Variants in GABPB2 observed in about 807,000 individuals in gnomAD.
The protein encoded by GABPB2 is GA-binding protein subunit beta-2.
In GABPB2, 23 loss-of-function variants were observed where a neutral mutation model predicts 39.1. The observed-to-expected ratio is 0.59, with a 90% CI of 0.42 to 0.83. The LOEUF (loss-of-function observed/expected upper bound fraction) is 0.83, where lower values mean the gene tolerates loss of function less well. Among genes scored for constraint, GABPB2 ranks in the 40% least tolerant of loss-of-function variants. The pLI, the probability that GABPB2 is intolerant of heterozygous loss-of-function variation, is 0.00. For synonymous variants in GABPB2, 184 were observed against 199.3 expected (o/e 0.92, Z 0.65); for missense variants, 467 against 541.1 (o/e 0.86, Z 1.36).
At position 151,103,627 on chromosome 1, in the gene GABPB2, G is replaced by A; in HGVS notation, c.688G>A (p.Ala230Thr). The change falls in exon 6 of 9, where the codon GCT becomes ACT. Residue 230 changes from alanine (A) to threonine (T), a missense_variant. Transcript: ENST00000368918. ...CACCTCAGTGCTGGCTACCCTTGCA[G>A]CTCTTGCTGAGGCATCAGTCCCCCT... is the stretch of plus-strand genomic sequence containing the variant. ...STTSVLATLA[A>T]LAEASVPLSN... 1.2e-6 allele frequency: 2 copies of A among 1,614,174 alleles called. No homozygotes were observed. Among genetic ancestry groups the A allele is most frequent in the South Asian group, 2.2e-5 (2 of 91,086 alleles).
At chr1:151,090,278 C>A in intron 2 of GABPB2, 128 bp from the exon 3 acceptor site, 1 of 861,298 alleles carries the variant, frequency 1.2e-6, no homozygotes, top group Non-Finnish European at 1.7e-6. Context: ...AGCATTTTTT[C>A]AGTTTTATCT....
chr1:151,110,916 G>T (rs1680372805), intron 7 of GABPB2, among the ~76,000 whole-genome samples: 1 of 152,122 alleles, frequency 6.6e-6, no homozygotes, highest in African/African-American at 2.4e-5. Context: ...AGTTTATAAA[G>T]AAATACAAAC....
chr1:151,075,542 C>A (rs1001188504), intron 1 of GABPB2, among the ~76,000 whole-genome samples: 2 of 126,984 alleles, frequency 1.6e-5, no homozygotes, highest in African/African-American at 3.0e-5. Flanking sequence ...CTAGCCTGGG[C>A]GACAGAGCGA....
rs186863630 is a variant in GABPB2, at chr1:151,078,704, A to G, written c.-1+7770A>G. Among the ~76,000 whole-genome samples, 533 of 152,144 alleles carry G rather than the reference A, an allele frequency of 3.5e-3. 7 individuals carry two copies. Among genetic ancestry groups the G allele is most frequent in the African/African-American group, 0.012 (500 of 41,522 alleles). On this transcript the variant is annotated intron_variant, in intron 1 of 8. Transcript: ENST00000368918. Reference sequence around the variant, plus strand: ...ACCCAGGCTGGAGGGCAGTGGCACAATCTTGGCTCACTGCAACCTCTGCCT... The same window carrying G: ...ACCCAGGCTGGAGGGCAGTGGCACAGTCTTGGCTCACTGCAACCTCTGCCT...
intron 5 of GABPB2, among the ~76,000 whole-genome samples, chr1:151,099,773 T>G (rs1679376331): frequency 6.6e-6 from 1 of 152,244 alleles, no homozygotes; most frequent in African/African-American, 2.4e-5. Context: ...GTTGACTAGC[T>G]GCTTAACCCT....
chr1:151,105,036 A>G (rs1246039441), intron 6 of GABPB2, among the ~76,000 whole-genome samples: 1 of 151,694 alleles, frequency 6.6e-6, no homozygotes, highest in Non-Finnish European at 1.5e-5. Context: ...CCTCCCAAGT[A>G]GCTGGGATTA....
At chr1:151,114,437 G>A (rs1270574988) in intron 7 of GABPB2, among the ~76,000 whole-genome samples, 1 of 152,104 alleles carries the variant, frequency 6.6e-6, no homozygotes, top group Admixed American at 6.6e-5. Flanking sequence ...ATAGGGCCGG[G>A]CTCAGTGGCT....
At chr1:151,102,750 T>G (rs1254274814) in intron 5 of GABPB2, among the ~76,000 whole-genome samples, 1 of 152,090 alleles carries the variant, frequency 6.6e-6, no homozygotes, top group African/African-American at 2.4e-5. Flanking sequence ...CCATGAAACT[T>G]TAGGTTTTTA....
At chr1:151,082,965 G>A (rs1677851443) in intron 1 of GABPB2, among the ~76,000 whole-genome samples, 1 of 146,230 alleles carries the variant, frequency 6.8e-6, no homozygotes, top group Admixed American at 6.9e-5. Flanking sequence ...AACAGAAAAA[G>A]ACCCTGTCTC....
chr1:151,102,164 T>C (rs1034869827), intron 5 of GABPB2, among the ~76,000 whole-genome samples: 1 of 151,850 alleles, frequency 6.6e-6, no homozygotes, highest in African/African-American at 2.4e-5. Context: ...CTACTAAAAG[T>C]ATAAAAATTA....
In GABPB2 at chr1:151,085,875, C is replaced by G. The variant is rs189429716; in HGVS notation, c.1-2315C>G. Among the ~76,000 whole-genome samples, 161 of 152,066 alleles carry G rather than the reference C, an allele frequency of 1.1e-3. 3 individuals carry two copies. Among genetic ancestry groups the G allele is most frequent in the Admixed American group, 9.2e-3 (140 of 15,246 alleles). ...GGCACAGTGGCTCATGCCTGTAATC[C>G]CAACACTTTGGGATTCTATTGCTAT... On this transcript the variant is annotated intron_variant, in intron 1 of 8. Coordinates refer to ENST00000368918, the MANE Select transcript of GABPB2 (RefSeq NM_144618.3).
intron 6 of GABPB2, 137 bp from the exon 7 acceptor site, chr1:151,106,900 T>C: frequency 1.9e-6 from 1 of 538,712 alleles, no homozygotes; most frequent in South Asian, 3.1e-5. Context: ...ACAAAACCTT[T>C]TGCGAACTGT....
At chr1:151,074,308 C>A (rs1310509126) in intron 1 of GABPB2, among the ~76,000 whole-genome samples, 2 of 133,806 alleles carry the variant, frequency 1.5e-5, no homozygotes, top group Non-Finnish European at 3.2e-5. Flanking sequence ...AACATGCTTC[C>A]GCTTTTTTTT....
Position 151,093,452 on chromosome 1 carries a change from T to C in GABPB2, c.471+66T>C, listed in dbSNP as rs184622442. 259 of 1,301,480 alleles carry C rather than the reference T, an allele frequency of 2.0e-4. 1 individual carries two copies. The highest frequency in any genetic ancestry group is 1.0e-5 in the Non-Finnish European group (10 of 958,312). The allele number at this position is 1,301,480 out of a possible 1,614,324, so 80.6% of individuals were successfully genotyped here. On this transcript the variant is annotated intron_variant, in intron 4 of 8. Coordinates refer to ENST00000368918, the MANE Select transcript of GABPB2 (RefSeq NM_144618.3). ...AAGTTAAGGATTTTTTTGTAGGAGC[T>C]GAATCAAAACTGAATTTTCCCTATT...
rs982957163 is a variant in GABPB2, at chr1:151,094,240, C to G, written c.471+854C>G. Among the ~76,000 whole-genome samples the G allele has an allele frequency of 3.3e-5, 5 of 151,930 alleles. No individual in the cohort carries two copies. In the East Asian group the frequency reaches 9.7e-4, roughly 29 times the overall value. Reference sequence around the variant, plus strand: ...CTTATTTTTGTATTTTTAGTAGAGACAGGGTTTCGCCATGTTGCCCAGGCT... The same window carrying G: ...CTTATTTTTGTATTTTTAGTAGAGAGAGGGTTTCGCCATGTTGCCCAGGCT... On this transcript the variant is annotated intron_variant, in intron 4 of 8. Coordinates refer to ENST00000368918, the MANE Select transcript of GABPB2 (RefSeq NM_144618.3).
chr1:151,098,501 TAAAA>T (rs748009017), intron 5 of GABPB2, among the ~76,000 whole-genome samples: 2 of 117,492 alleles, frequency 1.7e-5, no homozygotes. Flanking sequence ...ACCCTGTCTC[TAAAA>T]AAAAAAAAAA....
chr1:151,082,057 C>A (rs1032836235), intron 1 of GABPB2, among the ~76,000 whole-genome samples: 1 of 150,874 alleles, frequency 6.6e-6, no homozygotes, highest in Non-Finnish European at 1.5e-5. Flanking sequence ...AAAAACTTGA[C>A]AAGTGGTAAT....
chr1:151,113,362 C>T (rs1472602112), intron 7 of GABPB2, among the ~76,000 whole-genome samples: 4 of 151,068 alleles, frequency 2.6e-5, no homozygotes, highest in East Asian at 2.0e-4. Context: ...CCTGCTACTC[C>T]GGAGGCTGAG....
intron 3 of GABPB2, among the ~76,000 whole-genome samples, chr1:151,091,875 G>C (rs969206628): frequency 6.6e-6 from 1 of 152,004 alleles, no homozygotes; most frequent in East Asian, 1.9e-4. Flanking sequence ...CAACATCTGG[G>C]TTCAAGCAAT....
Sources: gnomAD v4.1 joint callset for allele counts (sites outside exome capture counted in the v4.1 genomes callset) on GRCh38, gnomAD v4.1.1 for gene constraint, MANE v1.5 for transcripts, NCBI Gene and HGNC (gene_info 2026-07-23, HGNC 2026-07-21) for gene names.